The following EFCAB7 variants were observed in gnomAD, a reference collection of about 807,000 sequenced individuals.
EFCAB7 encodes EF-hand calcium binding domain 7, also known as EF-hand calcium-binding domain-containing protein 7.
A neutral mutation model predicts 77.1 loss-of-function variants in EFCAB7; 66 were observed. That is an observed-to-expected ratio of 0.86 (90% CI 0.70 to 1.05). The LOEUF is 1.05. Ranked by LOEUF, EFCAB7 falls within the 50% of genes least tolerant of loss-of-function variation. EFCAB7 has a pLI of 0.00. For synonymous variants in EFCAB7, 225 were observed against 243.3 expected, an observed-to-expected ratio of 0.92 and a Z score of 0.70; for missense variants, 638 against 730.5, an observed-to-expected ratio of 0.87 and a Z score of 1.46.
intron 12 of EFCAB7, 40 bp from the exon 13 acceptor site, chr1:63,570,981 A>G (rs755547504): frequency 3.5e-6 from 5 of 1,423,846 alleles, no homozygotes; most frequent in Non-Finnish European, 4.9e-6. Context: ...TGTAATTATT[A>G]AAGAAAGGAA....
Position 63,533,479 on chromosome 1 carries a change from A to G in EFCAB7, c.512A>G (p.Asn171Ser), listed in dbSNP as rs1367302537. The change falls in exon 5 of 14, where the codon AAC (asparagine) becomes AGC (serine). Residue 171 changes from asparagine (N) to serine (S), a missense_variant. Physicochemically the swap from Asn to Ser is conservative, Grantham distance 46. Transcript: ENST00000371088. The part of the protein sequence containing the change: ...IKFCKLYMTT[N>S]EQCLKTTLEK... Reference sequence around the variant, plus strand: ...TTTTGTAAATTATATATGACAACCAACGAGCAATGTCTCAAGACTACACTA... The same window carrying G: ...TTTTGTAAATTATATATGACAACCAGCGAGCAATGTCTCAAGACTACACTA... 6.2e-7 allele frequency: 1 copy of G among 1,604,506 alleles called. No homozygotes were observed. Among genetic ancestry groups the G allele is most frequent in the East Asian group, 2.2e-5 (1 of 44,800 alleles).
intron 1 of EFCAB7, among the ~76,000 whole-genome samples, chr1:63,524,794 C>T (rs1004027809): frequency 1.3e-5 from 2 of 152,096 alleles, no homozygotes; most frequent in African/African-American, 4.8e-5. Context: ...TCAATTTCCT[C>T]ATCTGTAAAA....
chr1:63,580,352 T>C, the EFCAB7 span, among the ~76,000 whole-genome samples: 1 of 152,290 alleles, frequency 6.6e-6, no homozygotes, highest in Admixed American at 6.5e-5. Flanking sequence ...TCTTGTACCT[T>C]TGTTGAAAAA....
chr1:63,583,238 A>T, the EFCAB7 span, among the ~76,000 whole-genome samples: 1 of 152,198 alleles, frequency 6.6e-6, no homozygotes, highest in South Asian at 2.1e-4. Context: ...GAATGCAGTC[A>T]CATTTATGAT....
In EFCAB7 at chr1:63,546,113, G is replaced by T. The variant is rs975225751; in HGVS notation, c.946+56G>T. On this transcript the variant is annotated intron_variant, in intron 7 of 13. Transcript: ENST00000371088. ...ATGTCAATTTGTACCCTCCTTGAAA[G>T]TACTTATGTAAGTATTCCATAGTCC... 6 of 1,554,486 alleles carry T rather than the reference G, an allele frequency of 3.9e-6. No individual in the cohort carries two copies. In the South Asian group the frequency reaches 7.0e-5, roughly 18 times the overall value.
chr1:63,581,705 T>C, the EFCAB7 span, among the ~76,000 whole-genome samples: 2 of 152,116 alleles, frequency 1.3e-5, no homozygotes, highest in Non-Finnish European at 2.9e-5. Flanking sequence ...AATTGGAAAA[T>C]TTTTTGGAGA....
chr1:63,559,292 ACT>A (rs1170502323), intron 10 of EFCAB7, among the ~76,000 whole-genome samples: 3 of 101,812 alleles, frequency 2.9e-5, no homozygotes, highest in Non-Finnish European at 5.3e-5. Context: ...ACAGAGTGAG[ACT>A]CTGTCTCAAA....
chr1:63,560,802 G>A (rs1396000199), intron 10 of EFCAB7, among the ~76,000 whole-genome samples: 5 of 152,078 alleles, frequency 3.3e-5, no homozygotes, highest in African/African-American at 4.8e-5. Flanking sequence ...GATTACAGGC[G>A]TGAGCCACCG....
At chr1:63,552,936 CAGT>C (rs1219990811) in intron 8 of EFCAB7, among the ~76,000 whole-genome samples, 1 of 152,140 alleles carries the variant, frequency 6.6e-6, no homozygotes, top group Admixed American at 6.5e-5. Context: ...TTGTCTAAAA[CAGT>C]AGCTGTTTCC....
At chr1:63,575,183 A>G (rs1386047207), downstream of EFCAB7, among the ~76,000 whole-genome samples, 1 of 152,132 alleles carries the variant, frequency 6.6e-6, no homozygotes, top group African/African-American at 2.4e-5. Flanking sequence ...TAGTTCTAAT[A>G]TTTTAAAACA....
Position 63,561,694 on chromosome 1 carries a change from T to G in EFCAB7, c.1349-15T>G. On this transcript the variant is annotated splice_polypyrimidine_tract_variant and intron_variant, in intron 10 of 13. Transcript: ENST00000371088. Reference sequence around the variant, plus strand: ...TTTAAATTATGTAAGAAAAAACTTTTGGTTGTTTAAACAGAGAATTTTGAT... The same window carrying G: ...TTTAAATTATGTAAGAAAAAACTTTGGGTTGTTTAAACAGAGAATTTTGAT... 6.5e-7 allele frequency: 1 copy of G among 1,549,950 alleles called. No individual in the cohort carries two copies. The highest frequency in any genetic ancestry group is 8.7e-7 in the Non-Finnish European group (1 of 1,149,942).
At chr1:63,549,500 C>T in intron 7 of EFCAB7, 1 of 456,960 alleles carries the variant, frequency 2.2e-6, no homozygotes, top group South Asian at 1.6e-5. Context: ...TGGATAATTA[C>T]TGTACCTTCC....
intron 11 of EFCAB7, among the ~76,000 whole-genome samples, 165 bp from the exon 12 acceptor site, chr1:63,568,145 T>C (rs996428579): frequency 6.6e-6 from 1 of 152,178 alleles, no homozygotes; most frequent in Non-Finnish European, 1.5e-5. Flanking sequence ...AAAGTCAGGA[T>C]TTCATGCTTG....
At chr1:63,545,451 C>A (rs529808116) in intron 6 of EFCAB7, among the ~76,000 whole-genome samples, 2 of 152,022 alleles carry the variant, frequency 1.3e-5, no homozygotes, top group East Asian at 3.9e-4. Flanking sequence ...TTGTGTTAAC[C>A]ATATATTACT....
At chr1:63,538,990 T>C (rs1439535722) in intron 6 of EFCAB7, among the ~76,000 whole-genome samples, 3 of 152,350 alleles carry the variant, frequency 2.0e-5, no homozygotes, top group East Asian at 3.8e-4. Context: ...TTTAATGTTA[T>C]AGTATGTAGT....
At chr1:63,576,282 CCAGCCTGGCCAACATGGTGAAA>C, downstream of EFCAB7, among the ~76,000 whole-genome samples, 4 of 152,114 alleles carry the variant, frequency 2.6e-5, no homozygotes, top group South Asian at 8.3e-4. Context: ...GAGTTCGAGA[CCAGCCTGGCCAACATGGTGAAA>C]CTCTGTCTCT....
rs192273194 is a variant in EFCAB7 at position 63,524,853 on chromosome 1, T to C, written c.-1-719T>C. ...TGTAATAGGGATAAGACAAGATGTA[T>C]GACAGTTCTTTAAGCTCTTATGTAC... is the stretch of plus-strand genomic sequence containing the variant. On this transcript the variant is annotated intron_variant, in intron 1 of 13. Coordinates refer to ENST00000371088, the MANE Select transcript of EFCAB7 (RefSeq NM_032437.4). Among the ~76,000 whole-genome samples, 89 of 152,356 alleles carry C rather than the reference T, an allele frequency of 5.8e-4. 1 individual carries two copies. The highest frequency in any genetic ancestry group is 2.0e-3 in the African/African-American group (82 of 41,582).
chr1:63,574,321 G>A (rs557276211), downstream of EFCAB7, among the ~76,000 whole-genome samples: 2 of 152,278 alleles, frequency 1.3e-5, no homozygotes, highest in African/African-American at 4.8e-5. Context: ...TAACCTACAT[G>A]GAAGAGGTTA....
At chr1:63,576,974 C>T (rs1179773995), downstream of EFCAB7, among the ~76,000 whole-genome samples, 2 of 151,880 alleles carry the variant, frequency 1.3e-5, no homozygotes, top group African/African-American at 4.8e-5. Flanking sequence ...TGGTGAAACC[C>T]CATCTGTACT....
Sources: allele counts gnomAD v4.1 joint callset (sites outside exome capture counted in the v4.1 genomes callset), GRCh38; gene constraint gnomAD v4.1.1; transcripts MANE v1.5; gene names NCBI Gene and HGNC (gene_info 2026-07-23, HGNC 2026-07-21).